The following LRP1B variants were observed in gnomAD, a reference collection of about 807,000 sequenced individuals.
LRP1B encodes the protein LDL receptor related protein 1B, also known as low-density lipoprotein receptor-related protein 1B.
A neutral mutation model predicts 556.6 loss-of-function variants in LRP1B; 217 were observed. The observed-to-expected ratio is 0.39, with a 90% confidence interval of 0.35 to 0.44. The LOEUF (loss-of-function observed/expected upper bound fraction) is 0.44. Among genes scored for constraint, LRP1B ranks in the 20% least tolerant of loss-of-function variants. LRP1B has a pLI of 1.00. For missense variants in LRP1B, 5,053 were observed against 5,620.8 expected, an observed-to-expected ratio of 0.90 and a Z score of 3.23; for synonymous variants, 2,047 against 1,865.8, an observed-to-expected ratio of 1.10 and a Z score of -2.50.
At chr2:141,028,113 T>A (rs1355919379) in intron 11 of LRP1B, among the ~76,000 whole-genome samples, 1 of 152,066 alleles carries the variant, frequency 6.6e-6, no homozygotes, top group Non-Finnish European at 1.5e-5. Context: ...AATTTATTTT[T>A]AAAAATATAA....
chr2:141,781,363 C>T (rs1360664497), intron 2 of LRP1B, among the ~76,000 whole-genome samples: 3 of 152,102 alleles, frequency 2.0e-5, no homozygotes, highest in Non-Finnish European at 4.4e-5. Flanking sequence ...GAAGAAATTC[C>T]ATCAAATATG....
intron 59 of LRP1B, among the ~76,000 whole-genome samples, chr2:140,482,079 G>T (rs190324663): frequency 6.6e-6 from 1 of 152,172 alleles, no homozygotes; most frequent in East Asian, 1.9e-4. Flanking sequence ...TTATTGTATT[G>T]AATTGTGATT....
chr2:141,214,181 C>A (rs908502693), intron 6 of LRP1B, among the ~76,000 whole-genome samples: 1 of 152,162 alleles, frequency 6.6e-6, no homozygotes, highest in Admixed American at 6.6e-5. Context: ...GGATGGTCAT[C>A]ATCATAACTT....
chr2:140,536,049 T>C (rs895056583), intron 46 of LRP1B, among the ~76,000 whole-genome samples: 1 of 152,066 alleles, frequency 6.6e-6, no homozygotes, highest in African/African-American at 2.4e-5. Context: ...TATCCAAAAA[T>C]CACGATGTTT....
intron 77 of LRP1B, among the ~76,000 whole-genome samples, chr2:140,337,135 T>G (rs1262815064): frequency 6.6e-6 from 1 of 151,848 alleles, no homozygotes; most frequent in East Asian, 1.9e-4. Context: ...AAACAGGAAT[T>G]GCAAATCACT....
In LRP1B at chr2:140,867,590, C is replaced by T. The variant is rs2105153141; in HGVS notation, c.4579G>A (p.Ala1527Thr). 6.2e-7 allele frequency: 1 copy of T among 1,610,276 alleles called. No individual in the cohort carries two copies. The highest frequency in any genetic ancestry group is 8.5e-7 in the Non-Finnish European group (1 of 1,177,764). The change falls in exon 27 of 91, where the codon GCT becomes ACT. Residue 1527 changes from alanine to threonine, a missense_variant and splice_region_variant. Transcript: ENST00000389484. ...QIYHPSRQPQ[A>T]PNPCAANDGK... ...AATCCATAAGTGAACAAGCACTTAC[C>T]CTGTGGCTGGCGACTGGGATGGTAT...
chr2:140,525,638 T>C (rs1209010334), intron 49 of LRP1B, among the ~76,000 whole-genome samples: 3 of 152,024 alleles, frequency 2.0e-5, no homozygotes, highest in Admixed American at 6.6e-5. Flanking sequence ...AAGTTTAGGA[T>C]GGTTTCTTGA....
intron 41 of LRP1B, among the ~76,000 whole-genome samples, chr2:140,650,430 C>A (rs1455040810): frequency 6.6e-6 from 1 of 151,554 alleles, no homozygotes; most frequent in East Asian, 1.9e-4. Flanking sequence ...CTCACTGCAA[C>A]CTCCGCTTTC....
chr2:141,837,042 T>C (rs13431583), intron 1 of LRP1B, among the ~76,000 whole-genome samples: 5,421 of 152,000 alleles, frequency 0.036, 312 homozygotes, highest in African/African-American at 0.12. Context: ...GATGGAGGTG[T>C]TAGAGGGTTA....
intron 17 of LRP1B, among the ~76,000 whole-genome samples, chr2:140,988,441 C>A (rs1186320096): frequency 6.6e-6 from 1 of 152,080 alleles, no homozygotes; most frequent in Non-Finnish European, 1.5e-5. Flanking sequence ...TGGAAAAAAT[C>A]TGAATAGAAG....
At chr2:141,281,196 C>A (rs1327307047) in intron 3 of LRP1B, among the ~76,000 whole-genome samples, 1 of 151,986 alleles carries the variant, frequency 6.6e-6, no homozygotes, top group East Asian at 1.9e-4. Context: ...GCAAAGGGTA[C>A]CTTGATTGAT....
intron 49 of LRP1B, among the ~76,000 whole-genome samples, chr2:140,519,239 C>T (rs1355218352): frequency 6.6e-6 from 1 of 152,170 alleles, no homozygotes; most frequent in African/African-American, 2.4e-5. Flanking sequence ...ACCAAAACAG[C>T]ATGATACTGG....
chr2:140,787,534 C>T (rs1292562095), intron 32 of LRP1B, among the ~76,000 whole-genome samples: 1 of 142,652 alleles, frequency 7.0e-6, no homozygotes, highest in Non-Finnish European at 1.5e-5. Flanking sequence ...ATTTACATGC[C>T]TATCTTCCTG....
intron 4 of LRP1B, 138 bp downstream of exon 4, chr2:141,254,384 G>T: frequency 1.3e-6 from 1 of 790,418 alleles, no homozygotes; most frequent in Non-Finnish European, 2.0e-6. Flanking sequence ...TGTTGGGGGG[G>T]CAACTTTTAA....
chr2:140,743,982 A>G (rs1688229401), intron 35 of LRP1B, among the ~76,000 whole-genome samples: 1 of 45,432 alleles, frequency 2.2e-5, no homozygotes. Context: ...AAAAAAAAAA[A>G]AAAAAAAAAG....
intron 3 of LRP1B, among the ~76,000 whole-genome samples, chr2:141,386,554 A>T (rs2104897190): frequency 6.6e-6 from 1 of 152,238 alleles, no homozygotes; most frequent in Non-Finnish European, 1.5e-5. Context: ...GCACCAAAAG[A>T]AAGACCTGAG....
chr2:141,359,929 A>G (rs1024450106), intron 3 of LRP1B, among the ~76,000 whole-genome samples: 1 of 152,232 alleles, frequency 6.6e-6, no homozygotes, highest in Non-Finnish European at 1.5e-5. Flanking sequence ...TTAAGACAGT[A>G]AGGTTTGGAA....
rs531151466 is a variant in LRP1B at position 141,612,672 on chromosome 2, A to T, written c.206-132139T>A. Among the ~76,000 whole-genome samples, 58 of 152,120 alleles carry T rather than the reference A, an allele frequency of 3.8e-4. 1 individual carries two copies. Among genetic ancestry groups the T allele is most frequent in the African/African-American group, 1.4e-3 (58 of 41,470 alleles). On this transcript the variant is annotated intron_variant, in intron 2 of 90. Transcript: ENST00000389484. ...GAAAGAGTGTTCCATTTTCTGAAAG[A>T]TTCTTCACATTAATGCCATAGGCAA...
chr2:141,802,634 A>C (rs558260506), intron 2 of LRP1B, among the ~76,000 whole-genome samples: 107 of 152,230 alleles, frequency 7.0e-4, no homozygotes, highest in African/African-American at 2.5e-3. Context: ...AGAGAAAAAA[A>C]GGCATCACCA....
Sources: gnomAD v4.1 joint callset for allele counts (sites outside exome capture counted in the v4.1 genomes callset) on GRCh38, gnomAD v4.1.1 for gene constraint, MANE v1.5 for transcripts, NCBI Gene and HGNC (gene_info 2026-07-23, HGNC 2026-07-21) for gene names.